The following CNTNAP2 variants were observed in gnomAD, a reference collection of about 807,000 sequenced individuals.
The protein encoded by CNTNAP2 is contactin associated protein 2, also known as contactin-associated protein-like 2.
Under a neutral mutation model 155.2 loss-of-function variants are expected in CNTNAP2, and 98 were observed. The observed-to-expected ratio is 0.63, with a 90% CI of 0.54 to 0.75. CNTNAP2 has a LOEUF of 0.75. Among genes scored for constraint, CNTNAP2 ranks in the 30% least tolerant of loss-of-function variants. The pLI, the probability that CNTNAP2 is intolerant of heterozygous loss-of-function variation, is 0.00. For missense variants in CNTNAP2, 1,727 were observed against 1,688.1 expected, an observed-to-expected ratio of 1.02 and a Z score of -0.40; for synonymous variants, 651 against 631.2, an observed-to-expected ratio of 1.03 and a Z score of -0.47.
chr7:147,102,282 G>GAAAAAAAAAAAAAAAAAAAAA (rs555981471), intron 4 of CNTNAP2, among the ~76,000 whole-genome samples: 2 of 110,608 alleles, frequency 1.8e-5, no homozygotes, highest in African/African-American at 3.5e-5. Flanking sequence ...TAGGCAAAAA[G>GAAAAAAAAAAAAAAAAAAAAA]AAAAAAAAAA....
At chr7:146,303,326 G>T (rs942293780) in intron 1 of CNTNAP2, among the ~76,000 whole-genome samples, 4 of 151,846 alleles carry the variant, frequency 2.6e-5, no homozygotes, top group South Asian at 4.2e-4. Context: ...TAAGCAATTT[G>T]CCAGTCTCAA....
At chr7:146,658,642 G>A (rs1056809481) in intron 1 of CNTNAP2, among the ~76,000 whole-genome samples, 12 of 152,118 alleles carry the variant, frequency 7.9e-5, no homozygotes, top group African/African-American at 2.9e-4. Flanking sequence ...AAGCAGAGAA[G>A]GCTAAAGGGA....
intron 8 of CNTNAP2, among the ~76,000 whole-genome samples, chr7:147,185,710 T>G (rs866322985): frequency 2.0e-5 from 3 of 152,142 alleles, no homozygotes; most frequent in Admixed American, 6.5e-5. Flanking sequence ...CAAAACACTA[T>G]GCAATGATGT....
chr7:148,099,868 G>GTTTTTTTTTTTTTTTTTTTTTTTTT (rs751537152), intron 15 of CNTNAP2, among the ~76,000 whole-genome samples: 2 of 88,808 alleles, frequency 2.3e-5, no homozygotes, highest in Non-Finnish European at 4.1e-5. Flanking sequence ...TTTTTTTTTG[G>GTTTTTTTTTTTTTTTTTTTTTTTTT]TTTTTTTTTT....
chr7:146,430,175 G>T (rs993903041), intron 1 of CNTNAP2, among the ~76,000 whole-genome samples: 2 of 145,904 alleles, frequency 1.4e-5, no homozygotes, highest in Non-Finnish European at 3.0e-5. Flanking sequence ...TTTGCCTGAA[G>T]TTTTTTTTTT....
intron 13 of CNTNAP2, among the ~76,000 whole-genome samples, chr7:147,651,409 G>GT (rs529121284): frequency 7.9e-4 from 120 of 152,326 alleles, no homozygotes; most frequent in Non-Finnish European, 1.3e-3. Context: ...CTGGAAGAGT[G>GT]TTTTTTTGAA....
chr7:148,316,459 C>T (rs1563038967), intron 21 of CNTNAP2, among the ~76,000 whole-genome samples: 1 of 152,098 alleles, frequency 6.6e-6, no homozygotes, highest in Non-Finnish European at 1.5e-5. Context: ...TCATAATTGG[C>T]ACCAGACTCT....
intron 1 of CNTNAP2, among the ~76,000 whole-genome samples, chr7:146,754,534 G>A (rs1170386181): frequency 7.0e-6 from 1 of 143,342 alleles, no homozygotes; most frequent in Non-Finnish European, 1.5e-5. Flanking sequence ...GGTTGTTAGA[G>A]TCTCTCTCTC....
intron 21 of CNTNAP2, among the ~76,000 whole-genome samples, chr7:148,352,178 G>A (rs1006928396): frequency 5.3e-5 from 8 of 152,194 alleles, no homozygotes; most frequent in East Asian, 3.8e-4. Flanking sequence ...AAGTAGTGAA[G>A]TGACATGGTC....
In CNTNAP2 at chr7:147,688,177, C is replaced by T. The variant is rs139591961; in HGVS notation, c.2098+48871C>T. Reference sequence around the variant, plus strand: ...AAAAATATATCTTCTTACCATTTGACGCATTCCTGGGAAGGCTGTTCTTAT... The same window carrying T: ...AAAAATATATCTTCTTACCATTTGATGCATTCCTGGGAAGGCTGTTCTTAT... On this transcript the variant is annotated intron_variant, in intron 13 of 23. Transcript: ENST00000361727. Among the ~76,000 whole-genome samples, 39 of 152,132 alleles carry T rather than the reference C, an allele frequency of 2.6e-4. 2 individuals are homozygous for T. In the East Asian group the frequency reaches 4.5e-3, roughly 17 times the overall value.
chr7:146,431,462 G>T (rs1312949013), intron 1 of CNTNAP2, among the ~76,000 whole-genome samples: 1 of 151,904 alleles, frequency 6.6e-6, no homozygotes, highest in Non-Finnish European at 1.5e-5. Flanking sequence ...ATCTTATCTT[G>T]TACATAAAAT....
chr7:147,734,067 TGA>T (rs1483432712), intron 13 of CNTNAP2, among the ~76,000 whole-genome samples: 3 of 152,190 alleles, frequency 2.0e-5, no homozygotes, highest in Non-Finnish European at 4.4e-5. Flanking sequence ...ATAGTAGTGG[TGA>T]GAGAGGGCAT....
rs1385751097 is a variant in CNTNAP2 at position 148,277,859 on chromosome 7, C to T, written c.3475+10733C>T. 2.0e-5 allele frequency among the ~76,000 whole-genome samples: 3 copies of T among 149,450 alleles called. No individual in the cohort carries two copies. In the East Asian group the frequency reaches 5.8e-4, roughly 29 times the overall value. On this transcript the variant is annotated intron_variant, in intron 21 of 23. Coordinates refer to ENST00000361727, the MANE Select transcript of CNTNAP2 (RefSeq NM_014141.6). ...AAAAAAAGCACCATCTAACAAATAG[C>T]TCCAAAACTCAATTGCTTAAAACAA...
chr7:147,947,394 G>A (rs372573160), intron 14 of CNTNAP2, among the ~76,000 whole-genome samples: 4 of 147,174 alleles, frequency 2.7e-5, no homozygotes, highest in Non-Finnish European at 5.9e-5. Flanking sequence ...GAGGCGGGAG[G>A]ATTGCTTGAG....
rs567254940 is a variant in CNTNAP2, at chr7:147,057,349, T to A, written c.550+13295T>A. Among the ~76,000 whole-genome samples, 187 of 152,266 alleles carry A rather than the reference T, an allele frequency of 1.2e-3. 2 individuals carry two copies. Among genetic ancestry groups the A allele is most frequent in the Middle Eastern group, 3.4e-3 (1 of 294 alleles). On this transcript the variant is annotated intron_variant, in intron 4 of 23. Coordinates refer to ENST00000361727, the MANE Select transcript of CNTNAP2 (RefSeq NM_014141.6). ...ATCACCTCATTTCTTCTATTTTTTT[T>A]AAAAATTATGCTGCTCTTTCTCTTT...
At chr7:147,114,143 A>G (rs1458182105) in intron 5 of CNTNAP2, among the ~76,000 whole-genome samples, 2 of 152,182 alleles carry the variant, frequency 1.3e-5, no homozygotes, top group East Asian at 1.9e-4. Context: ...TTTCTTAATC[A>G]TAAGTTCTAA....
At chr7:147,271,520 G>T (rs1418420882) in intron 8 of CNTNAP2, among the ~76,000 whole-genome samples, 2 of 152,080 alleles carry the variant, frequency 1.3e-5, no homozygotes, top group African/African-American at 4.8e-5. Context: ...CACACTGCTG[G>T]TAAAAACGTA....
At chr7:147,963,631 A>G (rs1801152362) in intron 14 of CNTNAP2, among the ~76,000 whole-genome samples, 1 of 152,162 alleles carries the variant, frequency 6.6e-6, no homozygotes, top group South Asian at 2.1e-4. Flanking sequence ...GTATTCCTAA[A>G]ACACCCAGAC....
At chr7:147,340,916 T>C (rs989887576) in intron 9 of CNTNAP2, among the ~76,000 whole-genome samples, 1 of 152,074 alleles carries the variant, frequency 6.6e-6, no homozygotes, top group African/African-American at 2.4e-5. Flanking sequence ...CCTCACTTCC[T>C]ATGACCTTAC....
Sources: allele counts gnomAD v4.1 joint callset (sites outside exome capture counted in the v4.1 genomes callset), GRCh38; gene constraint gnomAD v4.1.1; transcripts MANE v1.5; gene names NCBI Gene and HGNC (gene_info 2026-07-23, HGNC 2026-07-21).